The following CATSPERG variants were observed in gnomAD, a reference collection of about 807,000 sequenced individuals.
CATSPERG encodes cation channel sperm-associated auxiliary subunit gamma.
Under a neutral mutation model 145.0 loss-of-function variants are expected in CATSPERG, and 115 were observed. That is an observed-to-expected ratio of 0.79 (90% CI 0.68 to 0.93). CATSPERG has a LOEUF of 0.93. Ranked by LOEUF, CATSPERG falls within the 40% of genes least tolerant of loss-of-function variation. The pLI is 0.00. For synonymous variants in CATSPERG, 588 were observed against 589.0 expected (o/e 1.00, Z 0.02); for missense variants, 1,296 against 1,490.1 (o/e 0.87, Z 2.14).
chr19:38,352,650 T>G (rs1245194396), intron 8 of CATSPERG, among the ~76,000 whole-genome samples: 1 of 122,194 alleles, frequency 8.2e-6, no homozygotes, highest in Non-Finnish European at 1.6e-5. Context: ...CAGACCCTCC[T>G]GGGAATTGTG....
intron 14 of CATSPERG, chr19:38,359,998 G>T: frequency 9.6e-7 from 1 of 1,037,270 alleles, no homozygotes; most frequent in South Asian, 3.6e-5. Flanking sequence ...AGACCACATG[G>T]AGGGGGACAT....
chr19:38,361,129 A>G (rs1970337167), intron 16 of CATSPERG, among the ~76,000 whole-genome samples: 1 of 152,046 alleles, frequency 6.6e-6, no homozygotes, highest in African/African-American at 2.4e-5. Flanking sequence ...AGAAAGGGGG[A>G]ACCACCTGTG....
intron 28 of CATSPERG, 110 bp from the exon 29 acceptor site, chr19:38,370,416 C>A: frequency 6.7e-7 from 1 of 1,488,462 alleles, no homozygotes; most frequent in Non-Finnish European, 9.3e-7. Context: ...CATTCATTTC[C>A]TCCTGCTGTC....
chr19:38,338,986 G>A (rs559545942), intron 3 of CATSPERG, among the ~76,000 whole-genome samples: 1 of 152,200 alleles, frequency 6.6e-6, no homozygotes, highest in African/African-American at 2.4e-5. Context: ...CGGAGTCAAA[G>A]GATTGAGAAA....
At chr19:38,337,127 A>T (rs1483324792) in intron 1 of CATSPERG, 94 bp from the exon 2 acceptor site, 1 of 1,432,260 alleles carries the variant, frequency 7.0e-7, no homozygotes, top group African/African-American at 1.4e-5. Flanking sequence ...GGCCAGGAGC[A>T]AGTGCTGTGA....
rs747215627 is a variant in CATSPERG, at chr19:38,370,264, T to G, written c.3213+6T>G. ...GGGCCCTTTTCATCATCATGGTGAG[T>G]GGCTGTCCGGGAGCTGCCCTACTGG... On this transcript the variant is annotated splice_donor_region_variant and intron_variant, in intron 28 of 28. Coordinates refer to ENST00000409235, the MANE Select transcript of CATSPERG (RefSeq NM_021185.5). 2.7e-5 allele frequency: 43 copies of G among 1,612,194 alleles called. No individual in the cohort carries two copies. The highest frequency in any genetic ancestry group is 3.5e-5 in the Non-Finnish European group (41 of 1,179,726).
In CATSPERG at chr19:38,361,877, C is replaced by T. The variant is rs769745276; in HGVS notation, c.2094+16C>T. On this transcript the variant is annotated intron_variant, in intron 17 of 28. Coordinates refer to ENST00000409235, the MANE Select transcript of CATSPERG (RefSeq NM_021185.5). ...GTACGACAAGGTGGGCGTCCGGCGG[C>T]GGGCGGGCAGGCCTGAGACGGGACT... 1.3e-6 allele frequency: 2 copies of T among 1,569,080 alleles called. No homozygotes were observed. The highest frequency in any genetic ancestry group is 1.7e-6 in the Non-Finnish European group (2 of 1,154,880).
Position 38,358,935 on chromosome 19 carries a change from C to T in CATSPERG, c.1496+374C>T, listed in dbSNP as rs116923817. 2.5e-3 allele frequency among the ~76,000 whole-genome samples: 381 copies of T among 152,172 alleles called. 9 individuals are homozygous for T. The East Asian group carries it at 0.049, about 19-fold the overall frequency. On this transcript the variant is annotated intron_variant, in intron 13 of 28. Coordinates refer to ENST00000409235, the MANE Select transcript of CATSPERG (RefSeq NM_021185.5). ...CAAAATCTCGGCTCACTGCAGCCCC[C>T]GCCTCCCAGATTCAAGCGATTCTCC...
At chr19:38,338,383 C>T (rs1568370098) in intron 3 of CATSPERG, among the ~76,000 whole-genome samples, 2 of 151,026 alleles carry the variant, frequency 1.3e-5, no homozygotes, top group Non-Finnish European at 3.0e-5. Flanking sequence ...CTCCTGACCT[C>T]GTGATCCGCC....
chr19:38,358,296 T>C lies in CATSPERG; in HGVS notation c.1334T>C (p.Leu445Pro), dbSNP rs772599567. The C allele has an allele frequency of 1.2e-6, 2 of 1,614,166 alleles. No homozygotes were observed. The highest frequency in any genetic ancestry group is 2.2e-5 in the South Asian group (2 of 91,084). ...SYNTASDDLE[L>P]LYHIPEFIPE... ...CCTGTAGCTAGTGATGACCTGGAAC[T>C]TCTCTACCACATCCCAGAATTCATC... is the stretch of plus-strand genomic sequence containing the variant. The change falls in exon 12 of 29, where the codon CTT becomes CCT. Residue 445 changes from leucine (L) to proline (P), a missense_variant. Leu to Pro is a moderately conservative substitution (Grantham distance 98). Coordinates refer to ENST00000409235, the MANE Select transcript of CATSPERG (RefSeq NM_021185.5).
At chr19:38,346,650 G>A (rs1421815880) in intron 7 of CATSPERG, 45 bp downstream of exon 7, 4 of 1,510,756 alleles carry the variant, frequency 2.6e-6, no homozygotes, top group Admixed American at 4.0e-5. Context: ...CTTGGAGGGA[G>A]CTGGGCCTCA....
chr19:38,361,665 C>G lies in CATSPERG; in HGVS notation c.1898C>G (p.Ser633Cys). The G allele has an allele frequency of 1.2e-6, 2 of 1,610,964 alleles. No homozygotes were observed. The highest frequency in any genetic ancestry group is 1.7e-6 in the Non-Finnish European group (2 of 1,179,834). ...CTGCCCAGGGGCTACTTGATGCTCT[C>G]CTTCATCGACTTCTGCCCCTTCTCG... ...LERKGGYLML[S>C]FIDFCPFSVM... is the part of the protein sequence containing the mutation. Residue 633 changes from serine to cysteine, a missense_variant, in exon 17 of 29, where the codon TCC becomes TGC. Physicochemically the swap from Ser to Cys is moderately radical, Grantham distance 112. Transcript: ENST00000409235.
chr19:38,369,839 A>C, intron 26 of CATSPERG, 133 bp from the exon 27 acceptor site: 1 of 804,958 alleles, frequency 1.2e-6, no homozygotes, highest in Non-Finnish European at 2.2e-6. Context: ...GAGTGAATGA[A>C]GGAATGAATG....
At chr19:38,354,509 T>G (rs951268629) in intron 8 of CATSPERG, among the ~76,000 whole-genome samples, 1 of 152,188 alleles carries the variant, frequency 6.6e-6, no homozygotes, top group African/African-American at 2.4e-5. Flanking sequence ...AATCTGACCC[T>G]CATGGACAGA....
In CATSPERG at chr19:38,361,856, G is replaced by C; in HGVS notation, c.2089G>C (p.Asp697His). The C allele has an allele frequency of 6.2e-7, 1 of 1,606,694 alleles. No homozygotes were observed. Among genetic ancestry groups the C allele is most frequent in the Non-Finnish European group, 8.5e-7 (1 of 1,176,960 alleles). The stretch of plus-strand genomic sequence containing the variant: ...CCTGCTGTGGCTGCACTCCGTGTAC[G>C]ACAAGGTGGGCGTCCGGCGGCGGGC... ...YYLLWLHSVY[D>H]KPYADPVHDP... Residue 697 changes from aspartate (D) to histidine (H), a missense_variant, in exon 17 of 29, where the codon GAC (aspartate) becomes CAC (histidine). By Grantham distance (81) the Asp-to-His change is moderately conservative. Transcript: ENST00000409235.
Position 38,358,554 on chromosome 19 carries a change from C to T in CATSPERG, c.1489C>T (p.Leu497=). The change falls in exon 13 of 29, where the codon CTG becomes TTG. Residue 497 remains leucine (L), a synonymous_variant. Coordinates refer to ENST00000409235, the MANE Select transcript of CATSPERG (RefSeq NM_021185.5). ...GATCTTCATCTGGGGCAACTTCCTC[C>T]TGCAGAGGTGGGCCTCTACCACCCC... ...NLIFIWGNFL[L]QSSNKENFIY... 1 of 1,614,192 alleles carries T rather than the reference C, an allele frequency of 6.2e-7. No homozygotes were observed. The highest frequency in any genetic ancestry group is 8.5e-7 in the Non-Finnish European group (1 of 1,180,028).
chr19:38,358,579 C>T lies in CATSPERG; in HGVS notation c.1496+18C>T, dbSNP rs1970288174. Reference sequence around the variant, plus strand: ...CTGCAGAGGTGGGCCTCTACCACCCCTGGGTGGGCCAGGCATACTCTGTCT... The same window carrying T: ...CTGCAGAGGTGGGCCTCTACCACCCTTGGGTGGGCCAGGCATACTCTGTCT... On this transcript the variant is annotated intron_variant, in intron 13 of 28. Coordinates refer to ENST00000409235, the MANE Select transcript of CATSPERG (RefSeq NM_021185.5). 3 of 1,613,946 alleles carry T rather than the reference C, an allele frequency of 1.9e-6. No individual in the cohort carries two copies. Among genetic ancestry groups the T allele is most frequent in the South Asian group, 2.2e-5 (2 of 91,046 alleles).
intron 14 of CATSPERG, 45 bp downstream of exon 14, chr19:38,359,626 C>A (rs756395402): frequency 3.8e-6 from 6 of 1,575,694 alleles, no homozygotes; most frequent in South Asian, 3.4e-5. Flanking sequence ...TGCCCACCCC[C>A]AAACCCCAGG....
Position 38,343,716 on chromosome 19 carries a change from G to T in CATSPERG, c.461G>T (p.Arg154Leu), listed in dbSNP as rs547897343. 6.5e-6 allele frequency: 10 copies of T among 1,549,444 alleles called. No homozygotes were observed. The highest frequency in any genetic ancestry group is 8.7e-6 in the Non-Finnish European group (10 of 1,146,772). The part of the protein sequence containing the change: ...LQIQMEAAPF[R>L]SKEPCMAEEV... The stretch of plus-strand genomic sequence containing the variant: ...ATCCAGATGGAGGCTGCCCCCTTCC[G>T]CAGCAAAGGTGGGCCTGGGGGAGGC... The change falls in exon 4 of 29, where the codon CGC (arginine) becomes CTC (leucine). Residue 154 changes from arginine (R) to leucine (L), a missense_variant. By Grantham distance (102) the Arg-to-Leu change is moderately radical. Transcript: ENST00000409235.
Sources: allele counts gnomAD v4.1 joint callset (sites outside exome capture counted in the v4.1 genomes callset), GRCh38; gene constraint gnomAD v4.1.1; transcripts MANE v1.5; gene names NCBI Gene and HGNC (gene_info 2026-07-23, HGNC 2026-07-21).